Variants in LITAF observed in about 807,000 individuals in gnomAD.
LITAF encodes lipopolysaccharide-induced tumor necrosis factor-alpha factor.
LITAF carries 9 observed loss-of-function variants against 14.5 expected under a neutral mutation model. The ratio of observed to expected loss-of-function variants is 0.62; its 90% CI spans 0.37 to 1.08. The LOEUF is 1.08. Among genes scored for constraint, LITAF ranks in the 50% least tolerant of loss-of-function variants. The pLI is 0.01. For synonymous variants in LITAF, 98 were observed against 88.2 expected (o/e 1.11, Z -0.62); for missense variants, 206 against 213.4 (o/e 0.97, Z 0.22).
chr16:11,576,319 A>C (rs893894881), intron 1 of LITAF, among the ~76,000 whole-genome samples: 1 of 152,048 alleles, frequency 6.6e-6, no homozygotes, highest in African/African-American at 2.4e-5. Context: ...AAATCCAAAA[A>C]TTAGCTGGGC....
intron 3 of LITAF, among the ~76,000 whole-genome samples, chr16:11,619,938 G>A (rs2065040105): frequency 6.6e-6 from 1 of 151,920 alleles, no homozygotes; most frequent in Non-Finnish European, 1.5e-5. Flanking sequence ...GAGGCCGAGA[G>A]CAGTGGATCA....
chr16:11,618,910 G>A (rs1476226570), intron 3 of LITAF, among the ~76,000 whole-genome samples: 2 of 151,928 alleles, frequency 1.3e-5, no homozygotes, highest in Non-Finnish European at 2.9e-5. Context: ...GTGAACCTGG[G>A]AGGTGGAGGT....
chr16:11,551,765 A>G (rs2064185430), intron 3 of LITAF: 1 of 686,550 alleles, frequency 1.5e-6, no homozygotes. Context: ...CCAGGAGATC[A>G]AAGCTGCGGA....
chr16:11,616,911 CAAA>C (rs766801773), intron 3 of LITAF, among the ~76,000 whole-genome samples: 4 of 83,078 alleles, frequency 4.8e-5, no homozygotes, highest in Admixed American at 1.4e-4. Flanking sequence ...GACTCTATCT[CAAA>C]AAAAAAAAAA....
At chr16:11,640,042 G>C (rs1278982062), upstream of LITAF, among the ~76,000 whole-genome samples, 1 of 152,188 alleles carries the variant, frequency 6.6e-6, no homozygotes, top group Non-Finnish European at 1.5e-5. Context: ...CCAAAGTGCT[G>C]AGATTACACG....
upstream of LITAF, among the ~76,000 whole-genome samples, chr16:11,603,140 CA>C (rs1172807257): frequency 6.6e-6 from 1 of 152,132 alleles, no homozygotes; most frequent in Non-Finnish European, 1.5e-5. Flanking sequence ...AGGAAGAACA[CA>C]AACAGTAAAG....
intron 1 of LITAF, 66 bp from the exon 2 acceptor site, chr16:11,556,801 A>C (rs1300484249): frequency 7.5e-7 from 1 of 1,342,028 alleles, no homozygotes; most frequent in Non-Finnish European, 1.1e-6. Flanking sequence ...TTTTCACCTA[A>C]GTCTTCAATT....
At chr16:11,619,081 C>G (rs2065034694) in intron 3 of LITAF, among the ~76,000 whole-genome samples, 2 of 151,560 alleles carry the variant, frequency 1.3e-5, no homozygotes, top group Non-Finnish European at 1.5e-5. Flanking sequence ...GAGGCCAAGG[C>G]AGGCAGGTCA....
At chr16:11,631,140 T>C (rs2065115871) in intron 3 of LITAF, among the ~76,000 whole-genome samples, 1 of 152,178 alleles carries the variant, frequency 6.6e-6, no homozygotes, top group African/African-American at 2.4e-5. Context: ...CAGGTCGCCA[T>C]GGGGTAAGTG....
chr16:11,612,675 G>C (rs113413896), intron 3 of LITAF, among the ~76,000 whole-genome samples: 92 of 152,014 alleles, frequency 6.1e-4, no homozygotes, highest in Non-Finnish European at 1.1e-3. Context: ...TCCCAGCCCA[G>C]AACTGGCCAC....
At chr16:11,593,903 G>T (rs1414070090) in intron 1 of LITAF, among the ~76,000 whole-genome samples, 1 of 152,172 alleles carries the variant, frequency 6.6e-6, no homozygotes, top group Non-Finnish European at 1.5e-5. Flanking sequence ...TGGGCTGGGT[G>T]CAGTGGCTCA....
chr16:11,638,006 ATATATATC>A (rs1567270981), upstream of LITAF, among the ~76,000 whole-genome samples: 23 of 59,836 alleles, frequency 3.8e-4, 2 homozygotes, highest in African/African-American at 2.4e-3. Context: ...ATATATATCT[ATATATATC>A]TATATATATC....
Position 11,629,831 on chromosome 16 carries a change from C to T in LITAF, c.85+3702G>A, listed in dbSNP as rs115681960. On this transcript the variant is annotated intron_variant, in intron 3 of 3. Coordinates refer to the LITAF transcript ENST00000574848. ...GGCGCGCAGCTCATGGAGTGCGGTA[C>T]GGATTAACAAGGCCATGTGGTAGGC... Among the ~76,000 whole-genome samples, 559 of 152,260 alleles carry T rather than the reference C, an allele frequency of 3.7e-3. 3 individuals are homozygous for T. Among genetic ancestry groups the T allele is most frequent in the African/African-American group, 0.013 (536 of 41,560 alleles).
intron 1 of LITAF, among the ~76,000 whole-genome samples, chr16:11,564,797 C>CTA (rs1271303710): frequency 6.6e-6 from 1 of 152,060 alleles, no homozygotes; most frequent in East Asian, 1.9e-4. Flanking sequence ...GCACAAAAGG[C>CTA]TACAGATCAA....
At chr16:11,627,647 C>T (rs138959556) in intron 3 of LITAF, among the ~76,000 whole-genome samples, 3,919 of 152,262 alleles carry the variant, frequency 0.026, 65 homozygotes, top group Middle Eastern at 0.048. Flanking sequence ...AGTTCGAGAC[C>T]AGCCTGGCCG....
upstream of LITAF, among the ~76,000 whole-genome samples, chr16:11,640,145 G>A (rs938362762): frequency 1.3e-5 from 2 of 152,178 alleles, no homozygotes; most frequent in Non-Finnish European, 2.9e-5. Context: ...CACTCTGCCA[G>A]GGCTGGGTCC....
Position 11,553,352 on chromosome 16 carries a change from A to G in LITAF, c.377+181T>C. The G allele has an allele frequency of 4.6e-6, 3 of 651,578 alleles. No homozygotes were observed. The highest frequency in any genetic ancestry group is 3.5e-5 in the South Asian group (2 of 56,962). The allele number at this position is 651,578 out of a possible 1,614,324, so 40.4% of individuals were successfully genotyped here. A position where few individuals can be genotyped will look rare whatever the true frequency, so the allele number is the denominator to read the frequency against. On this transcript the variant is annotated intron_variant, in intron 3 of 3. Coordinates refer to ENST00000622633, the MANE Select transcript of LITAF (RefSeq NM_001136472.2). This position sits in a 1 kb window ranked among gnomAD's most constrained non-coding sequence, Gnocchi z 7.7. ...TTTGAACCTGAGCAGTGGGGGTTAC[A>G]GTGAGCCGAGATCGCCCCACTGTAC...
At chr16:11,597,223 G>T (rs59818250) in intron 1 of LITAF, among the ~76,000 whole-genome samples, 6,565 of 152,134 alleles carry the variant, frequency 0.043, 452 homozygotes, top group African/African-American at 0.15. Flanking sequence ...CAATAAACAA[G>T]TACCCTGTGA....
intron 1 of LITAF, among the ~76,000 whole-genome samples, chr16:11,580,705 C>T (rs1440634568): frequency 1.3e-5 from 2 of 152,174 alleles, no homozygotes; most frequent in Admixed American, 1.3e-4. Flanking sequence ...CCATACATTT[C>T]CTCCCCTTAC....
Sources: gnomAD v4.1 joint callset for allele counts (sites outside exome capture counted in the v4.1 genomes callset) on GRCh38, gnomAD v4.1.1 for gene constraint, Gnocchi (gnomAD v3.1) non-coding constraint, MANE v1.5 for transcripts, NCBI Gene and HGNC (gene_info 2026-07-23, HGNC 2026-07-21) for gene names.